The following CCDC191 variants were observed in gnomAD, a reference collection of about 807,000 sequenced individuals.
CCDC191 encodes coiled-coil domain containing 191.
A neutral mutation model predicts 114.0 loss-of-function variants in CCDC191; 99 were observed. That is an observed-to-expected ratio of 0.87 (90% CI 0.74 to 1.03). The LOEUF is 1.03. Among genes scored for constraint, CCDC191 ranks in the 50% least tolerant of loss-of-function variants. CCDC191 has a pLI of 0.00. For missense variants in CCDC191, 973 were observed against 1,087.0 expected (o/e 0.90, Z 1.47); for synonymous variants, 351 against 376.0 (o/e 0.93, Z 0.77).
chr3:113,996,015 T>C (rs529789006), intron 13 of CCDC191, among the ~76,000 whole-genome samples: 36 of 152,262 alleles, frequency 2.4e-4, no homozygotes, highest in Non-Finnish European at 3.8e-4. Context: ...TTATAGATTC[T>C]GGATATTAGA....
At chr3:113,977,154 G>A (rs925783336) in intron 16 of CCDC191, among the ~76,000 whole-genome samples, 2 of 152,068 alleles carry the variant, frequency 1.3e-5, no homozygotes, top group Non-Finnish European at 2.9e-5. Context: ...AAAATTAGCC[G>A]GGTGTCGTGG....
At chr3:114,042,396 A>C (rs2076574893) in intron 4 of CCDC191, among the ~76,000 whole-genome samples, 1 of 152,230 alleles carries the variant, frequency 6.6e-6, no homozygotes, top group Admixed American at 6.5e-5. Context: ...ATGCGAGAGG[A>C]TACGCACAAG....
At chr3:114,021,184 G>A (rs72956690) in intron 7 of CCDC191, among the ~76,000 whole-genome samples, 2,371 of 152,152 alleles carry the variant, frequency 0.016, 61 homozygotes, top group African/African-American at 0.054. Context: ...ATAACTTACC[G>A]TGGTAGAAAA....
intron 13 of CCDC191, among the ~76,000 whole-genome samples, chr3:113,983,582 T>A (rs191710805): frequency 6.6e-6 from 1 of 152,160 alleles, no homozygotes; most frequent in African/African-American, 2.4e-5. Context: ...TACCACTCTC[T>A]CCCTACTTCT....
At chr3:113,982,870 A>AC (rs397764356) in intron 13 of CCDC191, among the ~76,000 whole-genome samples, 18 of 150,926 alleles carry the variant, frequency 1.2e-4, no homozygotes, top group African/African-American at 4.4e-4. Context: ...AAAAAAAAAA[A>AC]CCAAAAATAA....
chr3:114,015,748 C>T (rs1394556852), intron 8 of CCDC191, among the ~76,000 whole-genome samples: 2 of 152,150 alleles, frequency 1.3e-5, no homozygotes, highest in East Asian at 3.8e-4. Context: ...CATGTTGAAG[C>T]TGCATCACAA....
intron 7 of CCDC191, among the ~76,000 whole-genome samples, chr3:114,023,154 C>T (rs324558): frequency 0.29 from 43,975 of 151,174 alleles, 7,214 homozygotes; most frequent in Middle Eastern, 0.47. Flanking sequence ...ACAAGGGATG[C>T]GAAGGACCTC....
Position 114,031,899 on chromosome 3 carries a change from C to G in CCDC191, c.819-120G>C, listed in dbSNP as rs1157122898. 6 of 583,208 alleles carry G rather than the reference C, an allele frequency of 1.0e-5. No individual in the cohort carries two copies. In the Admixed American group the frequency reaches 2.1e-4, roughly 20 times the overall value. 36.1% of individuals were successfully genotyped at this position (583,208 alleles called of 1,614,324 possible). A position where few individuals can be genotyped will look rare whatever the true frequency, so the allele number is the denominator to read the frequency against. On this transcript the variant is annotated intron_variant, in intron 6 of 16. Coordinates refer to ENST00000295878, the MANE Select transcript of CCDC191 (RefSeq NM_020817.2). ...CTTCGGAATACACATATTTTTAGATCTGGCTCTAAAACTACATAGTAGGGT... is the reference window on the plus strand; with the variant it reads ...CTTCGGAATACACATATTTTTAGATGTGGCTCTAAAACTACATAGTAGGGT...
Position 113,980,765 on chromosome 3 carries a change from T to A in CCDC191, c.2192A>T (p.Lys731Met), listed in dbSNP as rs372330906. The A allele has an allele frequency of 1.6e-5, 26 of 1,608,638 alleles. No homozygotes were observed. The highest frequency in any genetic ancestry group is 2.1e-5 in the Non-Finnish European group (25 of 1,178,580). The change falls in exon 14 of 17, where the codon AAG (lysine) becomes ATG (methionine). Residue 731 changes from lysine (K) to methionine (M), a missense_variant. Coordinates refer to ENST00000295878, the MANE Select transcript of CCDC191 (RefSeq NM_020817.2). ...MKELEKQKRI[K>M]RNQQLEAIAK... ...TATTGCTTCCAGCTGCTGGTTCCTC[T>A]TAATTCTCTTCTGCTTCTCAAGTTC... is the stretch of plus-strand genomic sequence containing the variant.
At chr3:114,000,910 TC>T (rs1188861734) in intron 13 of CCDC191, among the ~76,000 whole-genome samples, 1 of 152,034 alleles carries the variant, frequency 6.6e-6, no homozygotes, top group East Asian at 1.9e-4. Context: ...CACCTCAGCC[TC>T]CCAAAAGTTC....
At chr3:114,020,207 G>A (rs2076223738) in intron 7 of CCDC191, among the ~76,000 whole-genome samples, 1 of 152,076 alleles carries the variant, frequency 6.6e-6, no homozygotes, top group Admixed American at 6.6e-5. Context: ...TTTCAATTTG[G>A]GGACTCTGCA....
At position 114,007,047 on chromosome 3, in the gene CCDC191, G is replaced by A. The variant is rs1376388773; in HGVS notation, c.1414-1085C>T. Among the ~76,000 whole-genome samples, 5 of 152,082 alleles carry A rather than the reference G, an allele frequency of 3.3e-5. No individual in the cohort carries two copies. In the East Asian group the frequency reaches 9.6e-4, roughly 29 times the overall value. ...GAATAATGTTACCTAATAATATTTT[G>A]TATTAGCATATCACTAGTTTTCAAA... On this transcript the variant is annotated intron_variant, in intron 9 of 16. Transcript: ENST00000295878.
intron 7 of CCDC191, among the ~76,000 whole-genome samples, chr3:114,021,410 G>T (rs985867507): frequency 7.3e-5 from 11 of 151,508 alleles, no homozygotes; most frequent in African/African-American, 2.4e-4. Context: ...CTTGCTATTG[G>T]TTTTTTCCCT....
chr3:114,026,589 G>C (rs1008498390), intron 7 of CCDC191, among the ~76,000 whole-genome samples: 15 of 152,204 alleles, frequency 9.9e-5, no homozygotes, highest in African/African-American at 2.9e-4. Flanking sequence ...TGCCTCAGTG[G>C]TGTGTAGGCA....
chr3:114,048,624 GC>G (rs748517388), intron 2 of CCDC191, among the ~76,000 whole-genome samples: 4 of 152,122 alleles, frequency 2.6e-5, no homozygotes, highest in Admixed American at 1.3e-4. Flanking sequence ...ACCTCCTGAA[GC>G]CTTTGCTCAA....
In CCDC191 at chr3:113,964,272, TAATA is replaced by T. The variant is rs1939891745; in HGVS notation, c.*879_*882del. 2.0e-5 allele frequency: 3 copies of T among 152,358 alleles called. No individual in the cohort carries two copies. The highest frequency in any genetic ancestry group is 4.1e-4 in the South Asian group (2 of 4,830). The allele number at this position is 152,358 out of a possible 1,614,324, so 9.4% of individuals were successfully genotyped here. A position where few individuals can be genotyped will look rare whatever the true frequency, so the allele number is the denominator to read the frequency against. On this transcript the variant is annotated 3_prime_UTR_variant, in exon 17 of 17. Transcript: ENST00000295878. ...TTATGGACTACTTGAATTTGTTATA[TAATA>T]AATGTGTATTTTATAATGAAAAATT...
chr3:114,035,125 A>T lies in CCDC191; in HGVS notation c.618T>A (p.Arg206=). 2 of 1,613,466 alleles carry T rather than the reference A, an allele frequency of 1.2e-6. No individual in the cohort carries two copies. Among genetic ancestry groups the T allele is most frequent in the East Asian group, 2.2e-5 (1 of 44,872 alleles). The part of the protein sequence containing the change: ...HKQVKENRLR[R]EKELEYQRIE... ...TTCTCTGGTACTCCAGTTCTTTCTC[A>T]CGTCTTAAGCGATTTTCTTTTACCT... is the stretch of plus-strand genomic sequence containing the variant. The change falls in exon 6 of 17, where the codon CGT becomes CGA. Residue 206 remains arginine, a synonymous_variant. Coordinates refer to ENST00000295878, the MANE Select transcript of CCDC191 (RefSeq NM_020817.2).
At position 114,035,087 on chromosome 3, in the gene CCDC191, A is replaced by G; in HGVS notation, c.656T>C (p.Leu219Pro). 1 of 1,614,076 alleles carries G rather than the reference A, an allele frequency of 6.2e-7. No homozygotes were observed. Among genetic ancestry groups the G allele is most frequent in the Non-Finnish European group, 8.5e-7 (1 of 1,179,992 alleles). ...ELEYQRIEKT[L>P]KKSAFLEAQC... ...AGCCTCCAAGAAGGCCGATTTTTTC[A>G]GGGTCTTTTCTATTCTCTGGTACTC... Residue 219 changes from leucine to proline, a missense_variant, in exon 6 of 17, where the codon CTG becomes CCG. Transcript: ENST00000295878.
At chr3:114,027,425 C>T (rs1168416764) in intron 7 of CCDC191, among the ~76,000 whole-genome samples, 2 of 149,964 alleles carry the variant, frequency 1.3e-5, no homozygotes, top group Admixed American at 1.3e-4. Context: ...AACAGCCTGG[C>T]CAACATGGTG....
Sources: allele counts gnomAD v4.1 joint callset (sites outside exome capture counted in the v4.1 genomes callset), GRCh38; gene constraint gnomAD v4.1.1; transcripts MANE v1.5; gene names NCBI Gene and HGNC (gene_info 2026-07-23, HGNC 2026-07-21).